Variants in ABI3BP observed in about 807,000 individuals in gnomAD.
ABI3BP encodes the protein ABI family member 3 binding protein, also known as target of Nesh-SH3.
In ABI3BP, 216 loss-of-function variants were observed where a neutral mutation model predicts 268.6. The ratio of observed to expected loss-of-function variants is 0.80; its 90% CI spans 0.72 to 0.90. The LOEUF (loss-of-function observed/expected upper bound fraction) is 0.90, where lower values mean the gene tolerates loss of function less well. Ranked by LOEUF, ABI3BP falls within the 40% of genes least tolerant of loss-of-function variation. ABI3BP has a pLI of 0.00. For synonymous variants in ABI3BP, 730 were observed against 730.0 expected (o/e 1.00, Z 0.00); for missense variants, 2,090 against 2,182.4 (o/e 0.96, Z 0.84).
chr3:100,943,705 A>G (rs1357800172), intron 1 of ABI3BP, among the ~76,000 whole-genome samples: 1 of 152,146 alleles, frequency 6.6e-6, no homozygotes, highest in East Asian at 1.9e-4. Flanking sequence ...TCTTGATGAT[A>G]TATCAGTTTT....
intron 57 of ABI3BP, among the ~76,000 whole-genome samples, chr3:100,785,590 G>A (rs1267105114): frequency 1.3e-5 from 2 of 151,936 alleles, no homozygotes; most frequent in Non-Finnish European, 2.9e-5. Context: ...CTACTGCATT[G>A]GCTAAACATT....
At chr3:100,803,397 C>G (rs2097590116) in intron 51 of ABI3BP, among the ~76,000 whole-genome samples, 1 of 140,986 alleles carries the variant, frequency 7.1e-6, no homozygotes, top group Admixed American at 7.1e-5. Flanking sequence ...GAATGTGGTT[C>G]AAGAGAAGGA....
chr3:100,766,158 T>G (rs2096261545), intron 62 of ABI3BP, among the ~76,000 whole-genome samples: 1 of 152,228 alleles, frequency 6.6e-6, no homozygotes, highest in Admixed American at 6.5e-5. Flanking sequence ...ATTTGTTCAT[T>G]GACTATTTCT....
chr3:100,986,220 A>G (rs1293803772), intron 1 of ABI3BP, among the ~76,000 whole-genome samples: 1 of 152,244 alleles, frequency 6.6e-6, no homozygotes, highest in East Asian at 1.9e-4. Context: ...CCTTTGACCA[A>G]TGATCCTCAA....
intron 1 of ABI3BP, among the ~76,000 whole-genome samples, chr3:100,979,362 G>A (rs2088003910): frequency 6.6e-6 from 1 of 152,090 alleles, no homozygotes. Context: ...AAAAGGGTAG[G>A]TGAGAGACTT....
intron 39 of ABI3BP, 50 bp from the exon 40 acceptor site, chr3:100,820,353 A>C: frequency 7.3e-7 from 1 of 1,369,010 alleles, no homozygotes; most frequent in East Asian, 2.5e-5. Context: ...CTCCGAAGCT[A>C]TGAGTAGCAT....
intron 59 of ABI3BP, among the ~76,000 whole-genome samples, chr3:100,777,589 G>T (rs537066233): frequency 6.6e-6 from 1 of 152,322 alleles, no homozygotes; most frequent in South Asian, 2.1e-4. Flanking sequence ...TAACAGAGGG[G>T]TATGTCAAGG....
intron 14 of ABI3BP, among the ~76,000 whole-genome samples, chr3:100,859,173 A>G (rs2098969774): frequency 1.3e-5 from 2 of 152,198 alleles, no homozygotes; most frequent in East Asian, 3.8e-4. Flanking sequence ...AATTTGTTCA[A>G]CTACAAGTGT....
intron 2 of ABI3BP, among the ~76,000 whole-genome samples, chr3:100,913,019 G>A (rs1398887570): frequency 2.6e-5 from 4 of 152,206 alleles, no homozygotes; most frequent in Non-Finnish European, 4.4e-5. Context: ...GCAGAGGCGG[G>A]CAGGCCTGTG....
chr3:100,835,723 G>A, intron 27 of ABI3BP, 63 bp from the exon 28 acceptor site: 1 of 1,283,096 alleles, frequency 7.8e-7, no homozygotes, highest in African/African-American at 1.5e-5. Context: ...AAGTTATTTT[G>A]AAAATGAATC....
chr3:100,875,561 T>C lies in ABI3BP; in HGVS notation c.764A>G (p.His255Arg), dbSNP rs778759140. The change falls in exon 8 of 68, where the codon CAC becomes CGC. Residue 255 changes from histidine (H) to arginine (R), a missense_variant. Physicochemically the swap from His to Arg is conservative, Grantham distance 29. Coordinates refer to ENST00000471714, the MANE Select transcript of ABI3BP (RefSeq NM_001375547.2). ...IIKQVIQNVT[H>R]KDSAKSPEKA... is the part of the protein sequence containing the mutation. ...TTCTGGGGATTTAGCTGAATCCTTG[T>C]GAGTAACATTCTGAATCACTGTTGA... The C allele has an allele frequency of 5.0e-6, 8 of 1,613,052 alleles. No homozygotes were observed. Among genetic ancestry groups the C allele is most frequent in the Admixed American group, 3.3e-5 (2 of 59,996 alleles).
chr3:100,972,068 C>T (rs943398337), intron 1 of ABI3BP, among the ~76,000 whole-genome samples: 1 of 152,106 alleles, frequency 6.6e-6, no homozygotes, highest in Admixed American at 6.6e-5. Flanking sequence ...GAACACATAT[C>T]TGCCACCTGG....
At chr3:100,761,249 G>GT (rs1259147039) in intron 63 of ABI3BP, among the ~76,000 whole-genome samples, 1 of 152,172 alleles carries the variant, frequency 6.6e-6, no homozygotes, top group Non-Finnish European at 1.5e-5. Context: ...TATTTTAGGA[G>GT]TAAGGGGTGA....
rs372391289 is a variant in ABI3BP at position 100,804,773 on chromosome 3, C to T, written c.3757+19G>A. On this transcript the variant is annotated intron_variant, in intron 51 of 67. Coordinates refer to ENST00000471714, the MANE Select transcript of ABI3BP (RefSeq NM_001375547.2). ...GACAGTAGAATGCATTTGGCTTAAA[C>T]ATGAAATAAAGCATTTACCAGGTGT... The T allele has an allele frequency of 2.7e-5, 43 of 1,609,736 alleles. No homozygotes were observed. The highest frequency in any genetic ancestry group is 3.5e-5 in the Non-Finnish European group (41 of 1,176,438).
intron 6 of ABI3BP, among the ~76,000 whole-genome samples, chr3:100,882,359 G>A (rs536973294): frequency 1.3e-5 from 2 of 151,624 alleles, no homozygotes; most frequent in East Asian, 3.9e-4. Context: ...CACATAACAT[G>A]GTCAAAGTTA....
rs1162307443 is a variant in ABI3BP at position 100,751,541 on chromosome 3, A to G, written c.5245+11T>C. The G allele has an allele frequency of 1.5e-5, 24 of 1,576,994 alleles. No individual in the cohort carries two copies. The highest frequency in any genetic ancestry group is 2.7e-5 in the African/African-American group (2 of 74,040). On this transcript the variant is annotated intron_variant, in intron 67 of 67. Coordinates refer to ENST00000471714, the MANE Select transcript of ABI3BP (RefSeq NM_001375547.2). Reference sequence around the variant, plus strand: ...AAACTCTGTTCTTATGAGGAGGATCAGAAAACATACCTTCTTTGATTGGTA... The same window carrying G: ...AAACTCTGTTCTTATGAGGAGGATCGGAAAACATACCTTCTTTGATTGGTA...
At chr3:100,812,405 A>G in intron 46 of ABI3BP, 62 bp downstream of exon 46, 1 of 1,109,428 alleles carries the variant, frequency 9.0e-7, no homozygotes, top group Non-Finnish European at 1.2e-6. Context: ...ACATCCAGAG[A>G]TGACTTTGCA....
At position 100,750,477 on chromosome 3, in the gene ABI3BP, G is replaced by A; in HGVS notation, c.*18C>T. 3 of 1,570,466 alleles carry A rather than the reference G, an allele frequency of 1.9e-6. No individual in the cohort carries two copies. The South Asian group carries it at 3.4e-5, about 18-fold the overall frequency. On this transcript the variant is annotated 3_prime_UTR_variant, in exon 68 of 68. Transcript: ENST00000471714. ...TTTTGTTTGCAATGATGAAACAGAA[G>A]GTAACTTTGTGCAGCATCTACCATT...
chr3:100,886,076 T>G, intron 5 of ABI3BP, 66 bp downstream of exon 5: 1 of 1,271,380 alleles, frequency 7.9e-7, no homozygotes, highest in Middle Eastern at 2.5e-4. Flanking sequence ...ATAACATAAT[T>G]AAAAATTAGG....
Sources: allele counts gnomAD v4.1 joint callset (sites outside exome capture counted in the v4.1 genomes callset), GRCh38; gene constraint gnomAD v4.1.1; transcripts MANE v1.5; gene names NCBI Gene and HGNC (gene_info 2026-07-23, HGNC 2026-07-21).